LDLRAD4: variants seen among roughly 807,000 people sequenced by gnomAD.
LDLRAD4 encodes low-density lipoprotein receptor class A domain-containing protein 4.
A neutral mutation model predicts 17.0 loss-of-function variants in LDLRAD4; 5 were observed. The observed-to-expected ratio is 0.29, with a 90% CI of 0.15 to 0.62. LDLRAD4 has a LOEUF of 0.62. LDLRAD4 is among the 20% of genes least tolerant of loss of function. The pLI is 0.84. For synonymous variants in LDLRAD4, 168 were observed against 171.8 expected, an observed-to-expected ratio of 0.98 and a Z score of 0.17; for missense variants, 340 against 424.7, an observed-to-expected ratio of 0.80 and a Z score of 1.75.
intron 1 of LDLRAD4, among the ~76,000 whole-genome samples, chr18:13,307,418 TA>T (rs918283280): frequency 3.9e-4 from 59 of 152,072 alleles, no homozygotes; most frequent in African/African-American, 1.0e-3. Flanking sequence ...TTTTTTTAAT[TA>T]AAAAAAAATT....
intron 1 of LDLRAD4, among the ~76,000 whole-genome samples, chr18:13,265,016 C>G (rs182362983): frequency 2.0e-5 from 3 of 152,212 alleles, no homozygotes; most frequent in Non-Finnish European, 2.9e-5. Context: ...AAGCCAGAAC[C>G]TGGTGCTGTT....
intron 1 of LDLRAD4, among the ~76,000 whole-genome samples, chr18:13,329,084 A>G (rs1599451019): frequency 6.6e-6 from 1 of 152,356 alleles, no homozygotes; most frequent in South Asian, 2.1e-4. Flanking sequence ...CCTGTGTTGT[A>G]TAGATAGATG....
intron 3 of LDLRAD4, among the ~76,000 whole-genome samples, chr18:13,531,903 TG>T (rs1267213825): frequency 6.6e-6 from 1 of 152,216 alleles, no homozygotes; most frequent in East Asian, 1.9e-4. Flanking sequence ...GTGGCCCTGC[TG>T]GGGGGCGGCC....
chr18:13,422,381 T>C (rs1163114581), intron 2 of LDLRAD4, among the ~76,000 whole-genome samples: 1 of 152,190 alleles, frequency 6.6e-6, no homozygotes, highest in Non-Finnish European at 1.5e-5. Context: ...AAGAGAGATA[T>C]TCCTGCAAAT....
chr18:13,429,870 A>G (rs2146009930), intron 2 of LDLRAD4, among the ~76,000 whole-genome samples: 1 of 152,358 alleles, frequency 6.6e-6, no homozygotes, highest in Non-Finnish European at 1.5e-5. Context: ...GGTGTAGTCC[A>G]GGCACCTCAC....
intron 1 of LDLRAD4, among the ~76,000 whole-genome samples, chr18:13,309,579 T>C (rs1386213397): frequency 6.6e-6 from 1 of 152,238 alleles, no homozygotes; most frequent in Non-Finnish European, 1.5e-5. Context: ...ATTAAACATG[T>C]TGAAGGCCAT....
chr18:13,388,610 G>T (rs2086015369), intron 2 of LDLRAD4, among the ~76,000 whole-genome samples: 1 of 152,256 alleles, frequency 6.6e-6, no homozygotes, highest in African/African-American at 2.4e-5. Flanking sequence ...TTCAGATTTT[G>T]TGGAGGGAGC....
chr18:13,277,380 G>T (rs931762238), upstream of LDLRAD4, among the ~76,000 whole-genome samples: 5 of 152,216 alleles, frequency 3.3e-5, no homozygotes, highest in Non-Finnish European at 5.9e-5. Context: ...TTTGGAGCTC[G>T]AGGCGGTCAC....
At chr18:13,499,426 G>T (rs112802503) in intron 3 of LDLRAD4, among the ~76,000 whole-genome samples, 3 of 122,244 alleles carry the variant, frequency 2.5e-5, no homozygotes, top group African/African-American at 9.7e-5. Context: ...AATCCTTCTC[G>T]CCACACACGT....
At chr18:13,416,003 C>T (rs1684051140) in intron 2 of LDLRAD4, among the ~76,000 whole-genome samples, 2 of 152,226 alleles carry the variant, frequency 1.3e-5, no homozygotes, top group African/African-American at 2.4e-5. Context: ...TTGGTGTGGG[C>T]TGTGCTGGCC....
chr18:13,238,683 A>C (rs571678784), intron 1 of LDLRAD4, among the ~76,000 whole-genome samples: 2 of 152,268 alleles, frequency 1.3e-5, no homozygotes, highest in South Asian at 4.1e-4. Flanking sequence ...AATCTGGGTT[A>C]CTTTTAGGAT....
At chr18:13,637,753 C>G (rs2042197622) in intron 4 of LDLRAD4, among the ~76,000 whole-genome samples, 1 of 151,874 alleles carries the variant, frequency 6.6e-6, no homozygotes, top group Admixed American at 6.6e-5. Context: ...GTAGTCCCAG[C>G]TACTCAGGAG....
In LDLRAD4 at chr18:13,232,615, C is replaced by T. The variant is rs556405445; in HGVS notation, c.-467+13627C>T. 5.9e-5 allele frequency among the ~76,000 whole-genome samples: 9 copies of T among 152,256 alleles called. No individual in the cohort carries two copies. The East Asian group carries it at 9.7e-4, about 16-fold the overall frequency. Reference sequence around the variant, plus strand: ...AAGCCTCTATGTCACCTCGTGCTGCCGCATCCCTTCCCCAGCTCAGCTATT... The same window carrying T: ...AAGCCTCTATGTCACCTCGTGCTGCTGCATCCCTTCCCCAGCTCAGCTATT... On this transcript the variant is annotated intron_variant, in intron 1 of 5. Transcript: ENST00000399848.
intron 1 of LDLRAD4, among the ~76,000 whole-genome samples, chr18:13,249,107 G>T (rs57416931): frequency 0.02 from 2,978 of 152,240 alleles, 55 homozygotes; most frequent in African/African-American, 0.049. Context: ...TGATTGGTAC[G>T]CCATGGTGTA....
intron 3 of LDLRAD4, among the ~76,000 whole-genome samples, chr18:13,453,955 G>C (rs1194450204): frequency 6.6e-6 from 1 of 152,286 alleles, no homozygotes; most frequent in Non-Finnish European, 1.5e-5. Flanking sequence ...GCTAATGGGC[G>C]CCGTGTTCAC....
At chr18:13,576,219 C>T (rs769627070) in intron 3 of LDLRAD4, among the ~76,000 whole-genome samples, 1 of 152,002 alleles carries the variant, frequency 6.6e-6, no homozygotes, top group South Asian at 2.1e-4. Context: ...GTCAGGAGAT[C>T]CAGACCATCC....
At chr18:13,492,100 T>C (rs1448414667) in intron 3 of LDLRAD4, among the ~76,000 whole-genome samples, 6 of 152,110 alleles carry the variant, frequency 3.9e-5, no homozygotes. Flanking sequence ...CTAAGATCCA[T>C]GCCACCAAGA....
chr18:13,441,377 G>A (rs1217759729), intron 3 of LDLRAD4, among the ~76,000 whole-genome samples: 4 of 152,224 alleles, frequency 2.6e-5, no homozygotes, highest in Non-Finnish European at 2.9e-5. Context: ...CCACCTGGAC[G>A]GAATCAGAGT....
chr18:13,421,633 G>A (rs868439959), intron 2 of LDLRAD4, among the ~76,000 whole-genome samples: 3 of 152,142 alleles, frequency 2.0e-5, no homozygotes, highest in Admixed American at 1.3e-4. Flanking sequence ...GAAGGCACCC[G>A]TGGCTGCCCC....
Sources: gnomAD v4.1 joint callset for allele counts (sites outside exome capture counted in the v4.1 genomes callset) on GRCh38, gnomAD v4.1.1 for gene constraint, MANE v1.5 for transcripts, NCBI Gene and HGNC (gene_info 2026-07-23, HGNC 2026-07-21) for gene names.